PPP5C: variants seen among roughly 807,000 people sequenced by gnomAD.
The protein encoded by PPP5C is serine/threonine-protein phosphatase 5.
Under a neutral mutation model 66.7 loss-of-function variants are expected in PPP5C, and 21 were observed. The observed-to-expected ratio is 0.31, with a 90% CI of 0.22 to 0.45. The LOEUF is 0.45. PPP5C is among the 20% of genes least tolerant of loss of function. PPP5C has a pLI of 1.00. For missense variants in PPP5C, 464 were observed against 675.9 expected (o/e 0.69, Z 3.48); for synonymous variants, 246 against 257.4 (o/e 0.96, Z 0.43).
intron 2 of PPP5C, among the ~76,000 whole-genome samples, chr19:46,370,754 T>G (rs1972575636): frequency 6.6e-6 from 1 of 152,116 alleles, no homozygotes; most frequent in Non-Finnish European, 1.5e-5. Flanking sequence ...TCTCTCTTTT[T>G]TTTTTGAGAT....
chr19:46,384,764 C>G, intron 6 of PPP5C, 40 bp from the exon 7 acceptor site: 158 of 1,191,612 alleles, frequency 1.3e-4, no homozygotes, highest in Non-Finnish European at 1.8e-4. Flanking sequence ...GCACCGCACC[C>G]TTCCCCTCCA....
At chr19:46,382,998 T>C (rs939052495) in intron 4 of PPP5C, 10 of 1,104,038 alleles carry the variant, frequency 9.1e-6, no homozygotes, top group Non-Finnish European at 1.0e-5. Flanking sequence ...CAGTGTTGCC[T>C]ATGACCTGCC....
At position 46,376,336 on chromosome 19, in the gene PPP5C, C is replaced by T; in HGVS notation, c.512-117C>T. On this transcript the variant is annotated intron_variant, in intron 3 of 12. Coordinates refer to ENST00000012443, the MANE Select transcript of PPP5C (RefSeq NM_006247.4). The surrounding 1 kb of genome is among the most constrained non-coding windows in gnomAD (Gnocchi z 5.1). ...GGAGGGGACTCTTCACTCACTCTGT[C>T]CCGCTCTCGACCTGTGTGTCCACAC... 1 of 1,364,726 alleles carries T rather than the reference C, an allele frequency of 7.3e-7. No individual in the cohort carries two copies. 84.5% of individuals were successfully genotyped at this position (1,364,726 alleles called of 1,614,324 possible).
intron 1 of PPP5C, among the ~76,000 whole-genome samples, chr19:46,350,687 C>G (rs534699356): frequency 1.3e-5 from 2 of 152,136 alleles, no homozygotes; most frequent in Non-Finnish European, 2.9e-5. Context: ...TAATCCTCCC[C>G]GGGGGCTGGG....
chr19:46,383,262 T>G lies in PPP5C; in HGVS notation c.634-149T>G, dbSNP rs1418427750. 1 of 1,545,738 alleles carries G rather than the reference T, an allele frequency of 6.5e-7. No individual in the cohort carries two copies. Among genetic ancestry groups the G allele is most frequent in the Non-Finnish European group, 8.7e-7 (1 of 1,145,866 alleles). On this transcript the variant is annotated intron_variant, in intron 4 of 12. Transcript: ENST00000012443. The surrounding 1 kb of genome is among the most constrained non-coding windows in gnomAD (Gnocchi z 5.0). ...TGCCTCCGGCCCCGCCTGCTCCCGC[T>G]CCCCCAGGCCTGCCCTGCCCTTTTT... is the stretch of plus-strand genomic sequence containing the variant.
chr19:46,390,759 C>T lies in PPP5C; in HGVS notation c.*413C>T, dbSNP rs1973008349. 1.8e-6 allele frequency: 2 copies of T among 1,139,196 alleles called. No homozygotes were observed. Among genetic ancestry groups the T allele is most frequent in the Admixed American group, 4.0e-5 (1 of 24,702 alleles). The allele number at this position is 1,139,196 out of a possible 1,614,324, so 70.6% of individuals were successfully genotyped here. A position where few individuals can be genotyped will look rare whatever the true frequency, so the allele number is the denominator to read the frequency against. ...CCCGCCTGCGCCTCCCCTCCTATAG[C>T]CCCATGGTGGGGCTAGGCTGGGGCT... On this transcript the variant is annotated 3_prime_UTR_variant, in exon 13 of 13. Coordinates refer to ENST00000012443, the MANE Select transcript of PPP5C (RefSeq NM_006247.4).
intron 4 of PPP5C, among the ~76,000 whole-genome samples, chr19:46,379,477 C>T (rs1972753215): frequency 6.6e-6 from 1 of 152,216 alleles, no homozygotes; most frequent in Admixed American, 6.5e-5. Context: ...TGTCAGCCAC[C>T]ATTCCCAGCC....
intron 7 of PPP5C, chr19:46,386,694 C>A (rs1390989704): frequency 2.9e-5 from 8 of 273,214 alleles, no homozygotes; most frequent in Non-Finnish European, 7.2e-6. Context: ...CTCACTGCAG[C>A]CTCTGCTTCG....
At chr19:46,371,910 C>G (rs1313811585) in intron 2 of PPP5C, among the ~76,000 whole-genome samples, 1 of 152,106 alleles carries the variant, frequency 6.6e-6, no homozygotes, top group African/African-American at 2.4e-5. Flanking sequence ...TGGGTCCACT[C>G]CATGTGGGAT....
chr19:46,374,066 G>A (rs1047704812), intron 2 of PPP5C, among the ~76,000 whole-genome samples: 20 of 152,154 alleles, frequency 1.3e-4, no homozygotes, highest in Non-Finnish European at 4.4e-5. Context: ...TGGGAAGGAT[G>A]CCAGGGGCTG....
At chr19:46,367,962 C>T (rs1972519191) in intron 2 of PPP5C, among the ~76,000 whole-genome samples, 1 of 152,142 alleles carries the variant, frequency 6.6e-6, no homozygotes, top group Non-Finnish European at 1.5e-5. Context: ...GTTCCAGCTG[C>T]ACAATTGGAA....
chr19:46,370,374 G>T lies in PPP5C; in HGVS notation c.364-5230G>T, dbSNP rs149799778. On this transcript the variant is annotated intron_variant, in intron 2 of 12. Transcript: ENST00000012443. ...AACGCAGACATTAGCCTAGGCCTAC[G>T]CAGGGTCAGGAGATCAGTATCACTG... is the stretch of plus-strand genomic sequence containing the variant. Among the ~76,000 whole-genome samples the T allele has an allele frequency of 2.9e-3, 437 of 152,196 alleles. 3 individuals are homozygous for T. Among genetic ancestry groups the T allele is most frequent in the Non-Finnish European group, 4.9e-3 (332 of 68,028 alleles).
chr19:46,362,240 C>T (rs1972405061), intron 2 of PPP5C, among the ~76,000 whole-genome samples: 1 of 152,158 alleles, frequency 6.6e-6, no homozygotes, highest in Non-Finnish European at 1.5e-5. Context: ...AACTGTTAGT[C>T]ATGTAGCAGT....
At chr19:46,364,334 G>A (rs1465956900) in intron 2 of PPP5C, among the ~76,000 whole-genome samples, 2 of 151,960 alleles carry the variant, frequency 1.3e-5, no homozygotes, top group African/African-American at 2.4e-5. Context: ...GTAAACATTC[G>A]GCCAGATGCA....
At chr19:46,353,039 G>T (rs1333774654) in intron 1 of PPP5C, among the ~76,000 whole-genome samples, 1 of 152,166 alleles carries the variant, frequency 6.6e-6, no homozygotes, top group African/African-American at 2.4e-5. Flanking sequence ...GGCTGTTTAA[G>T]CCTTGGCTCT....
At chr19:46,389,063 C>T (rs549925014) in intron 11 of PPP5C, among the ~76,000 whole-genome samples, 1 of 152,216 alleles carries the variant, frequency 6.6e-6, no homozygotes, top group Non-Finnish European at 1.5e-5. Context: ...GTGGCTCACG[C>T]CTATAATCCC....
In PPP5C at chr19:46,390,399, C is replaced by T. The variant is rs2147411905; in HGVS notation, c.*53C>T. 6.4e-7 allele frequency: 1 copy of T among 1,551,180 alleles called. No homozygotes were observed. The highest frequency in any genetic ancestry group is 1.7e-4 in the Middle Eastern group (1 of 5,728). ...AGGGCCCCTCCAATCCCACCGGACC[C>T]AGGCCCTGGGCTAGGGGCAGAGCAG... On this transcript the variant is annotated 3_prime_UTR_variant, in exon 13 of 13. Transcript: ENST00000012443.
intron 2 of PPP5C, among the ~76,000 whole-genome samples, chr19:46,364,010 A>T (rs1185434884): frequency 6.6e-6 from 1 of 152,158 alleles, no homozygotes; most frequent in South Asian, 2.1e-4. Context: ...GGAAGGAGGG[A>T]CAGACAGCGG....
At chr19:46,356,483 T>G (rs1972289312) in intron 2 of PPP5C, among the ~76,000 whole-genome samples, 1 of 152,212 alleles carries the variant, frequency 6.6e-6, no homozygotes. Context: ...GAGCTCCCCT[T>G]AGCCTCGGTT....
Sources: allele counts gnomAD v4.1 joint callset (sites outside exome capture counted in the v4.1 genomes callset), GRCh38; gene constraint gnomAD v4.1.1; non-coding constraint Gnocchi (gnomAD v3.1); transcripts MANE v1.5; gene names NCBI Gene and HGNC (gene_info 2026-07-23, HGNC 2026-07-21).